WDR62: variants seen among roughly 807,000 people sequenced by gnomAD.
WDR62 encodes the protein WD repeat domain 62.
In WDR62, 112 loss-of-function variants were observed where a neutral mutation model predicts 160.6. That is an observed-to-expected ratio of 0.70 (90% CI 0.60 to 0.82). The LOEUF is 0.82. Ranked by LOEUF, WDR62 falls within the 40% of genes least tolerant of loss-of-function variation. The probability of loss-of-function intolerance (pLI) is 0.00; values close to 1 mark genes in which losing one functional copy is unlikely to be tolerated. For synonymous variants in WDR62, 792 were observed against 815.1 expected, an observed-to-expected ratio of 0.97 and a Z score of 0.48; for missense variants, 1,819 against 1,983.8, an observed-to-expected ratio of 0.92 and a Z score of 1.58.
chr19:36,083,176 G>A lies in WDR62; in HGVS notation c.1485G>A (p.Val495=), dbSNP rs1421646350. ...CACCCATGGACGTGAAAGCCGGGGT[G>A]CGGGTCATGCAGGTCAGTCCTGACG... is the stretch of plus-strand genomic sequence containing the variant. The part of the protein sequence containing the change: ...NGTPMDVKAG[V]RVMQVSPDGQ... The change falls in exon 11 of 32, where the codon GTG becomes GTA. Residue 495 remains valine, a synonymous_variant. Coordinates refer to ENST00000401500, the MANE Select transcript of WDR62 (RefSeq NM_001083961.2). 4 of 1,612,060 alleles carry A rather than the reference G, an allele frequency of 2.5e-6. No homozygotes were observed. Among genetic ancestry groups the A allele is most frequent in the East Asian group, 4.5e-5 (2 of 44,876 alleles).
intron 16 of WDR62, among the ~76,000 whole-genome samples, 183 bp downstream of exon 16, chr19:36,090,703 T>A (rs1008866800): frequency 2.0e-5 from 3 of 152,172 alleles, no homozygotes; most frequent in Admixed American, 1.3e-4. Context: ...CTGTGTTTCC[T>A]TTATTTACAG....
Position 36,071,583 on chromosome 19 carries a change from A to C in WDR62, c.910A>C (p.Ser304Arg). 6.2e-7 allele frequency: 1 copy of C among 1,614,214 alleles called. No homozygotes were observed. Among genetic ancestry groups the C allele is most frequent in the Non-Finnish European group, 8.5e-7 (1 of 1,180,040 alleles). The change falls in exon 8 of 32, where the codon AGC (serine) becomes CGC (arginine). Residue 304 changes from serine to arginine, a missense_variant. Physicochemically the swap from Ser to Arg is moderately radical, Grantham distance 110. Around this residue, in one of 3 missense-constraint regions of WDR62, gnomAD observed 934 missense variants for 1,157.2 expected, o/e 0.81. Transcript: ENST00000401500. ...KVSLSSCLCV[S>R]QELIFCGCTD... Reference sequence around the variant, plus strand: ...CTCCCTGTCTTCCTGCCTCTGTGTCAGCCAGGAGCTCATCTTCTGTGGCTG... The same window carrying C: ...CTCCCTGTCTTCCTGCCTCTGTGTCCGCCAGGAGCTCATCTTCTGTGGCTG...
At chr19:36,098,470 C>T (rs1197506514) in intron 21 of WDR62, among the ~76,000 whole-genome samples, 1 of 150,714 alleles carries the variant, frequency 6.6e-6, no homozygotes, top group African/African-American at 2.4e-5. Context: ...AAGGCTGAGG[C>T]AGGAGAATCA....
chr19:36,108,395 C>T (rs969290502), downstream of WDR62, among the ~76,000 whole-genome samples: 6 of 152,034 alleles, frequency 3.9e-5, no homozygotes, highest in Admixed American at 3.9e-4. Flanking sequence ...CCCTTGGCCT[C>T]CCCATAGCAG....
chr19:36,068,479 G>C (rs926028475), intron 7 of WDR62, among the ~76,000 whole-genome samples: 2 of 152,184 alleles, frequency 1.3e-5, no homozygotes, highest in Non-Finnish European at 2.9e-5. Context: ...AAGGTCTCTG[G>C]TTTTCCTAGG....
Position 36,089,247 on chromosome 19 carries a change from C to T in WDR62, c.1899C>T (p.Asp633=), listed in dbSNP as rs564372571. Residue 633 remains aspartate (D), a synonymous_variant, in exon 15 of 32, where the codon GAC becomes GAT. Coordinates refer to ENST00000401500, the MANE Select transcript of WDR62 (RefSeq NM_001083961.2). ...TAGCAGAGAAAACCACCTTGTATGACATGGACATTGACATCACCCAGAAGT... is the reference window on the plus strand; with the variant it reads ...TAGCAGAGAAAACCACCTTGTATGATATGGACATTGACATCACCCAGAAGT... ...HHVAEKTTLY[D]MDIDITQKYV... is the part of the protein sequence containing the mutation. 6.2e-7 allele frequency: 1 copy of T among 1,614,220 alleles called. No homozygotes were observed. The highest frequency in any genetic ancestry group is 1.7e-5 in the Admixed American group (1 of 60,024).
Position 36,089,121 on chromosome 19 carries a change from C to G in WDR62, c.1836+16C>G, listed in dbSNP as rs754584097. The G allele has an allele frequency of 1.2e-6, 2 of 1,613,932 alleles. No individual in the cohort carries two copies. The highest frequency in any genetic ancestry group is 2.2e-5 in the South Asian group (2 of 91,080). On this transcript the variant is annotated intron_variant, in intron 14 of 31. Coordinates refer to ENST00000401500, the MANE Select transcript of WDR62 (RefSeq NM_001083961.2). ...TGCCCAGCAGGTAGGGTGGCATGGCCTCCTTGGGGGCTGGGGTGGGGGGTT... is the reference window on the plus strand; with the variant it reads ...TGCCCAGCAGGTAGGGTGGCATGGCGTCCTTGGGGGCTGGGGTGGGGGGTT...
intron 6 of WDR62, 60 bp downstream of exon 6, chr19:36,067,503 A>C: frequency 1.2e-6 from 2 of 1,609,796 alleles, no homozygotes; most frequent in Non-Finnish European, 1.7e-6. Flanking sequence ...CGGTGGCAGC[A>C]TGGTCTCCTG....
At chr19:36,087,971 T>C (rs767959153) in intron 13 of WDR62, among the ~76,000 whole-genome samples, 1 of 152,228 alleles carries the variant, frequency 6.6e-6, no homozygotes, top group East Asian at 1.9e-4. Flanking sequence ...GTACTTGGAT[T>C]CACCACGTGC....
At chr19:36,062,577 G>A (rs1162834830) in intron 3 of WDR62, 12 of 143,556 alleles carry the variant, frequency 8.4e-5, no homozygotes, top group Non-Finnish European at 1.2e-4. Flanking sequence ...TTGAACCCGG[G>A]AGGCAGAGGT....
chr19:36,073,256 C>T (rs900173755), intron 8 of WDR62, 86 bp from the exon 9 acceptor site: 14 of 1,304,180 alleles, frequency 1.1e-5, no homozygotes, highest in South Asian at 4.8e-5. Context: ...ATGGCATTGC[C>T]GGGGAGGCAT....
chr19:36,085,218 T>C lies in WDR62; in HGVS notation c.1642+474T>C, dbSNP rs556810175. On this transcript the variant is annotated intron_variant, in intron 12 of 31. Coordinates refer to ENST00000401500, the MANE Select transcript of WDR62 (RefSeq NM_001083961.2). ...GCAGCCTCCACCTCTCTGGTTCAAG[T>C]GATTCTCGTGCCTCAGTCTCCCATG... Among the ~76,000 whole-genome samples the C allele has an allele frequency of 1.4e-3, 220 of 152,004 alleles. 1 individual carries two copies. The highest frequency in any genetic ancestry group is 5.0e-3 in the African/African-American group (208 of 41,464).
rs780215176 is a variant in WDR62, at chr19:36,073,378, A to G, written c.1080A>G (p.Pro360=). The change falls in exon 9 of 32, where the codon CCA becomes CCG. Residue 360 remains proline, a synonymous_variant. Transcript: ENST00000401500. ...LFHRKAEAVY[P]DTVALTFDPI... is the part of the protein sequence containing the mutation. The stretch of plus-strand genomic sequence containing the variant: ...ACAGGAAGGCGGAAGCAGTCTACCC[A>G]GATACAGTGGCACTGACCTTCGACC... 9.3e-6 allele frequency: 15 copies of G among 1,614,150 alleles called. No individual in the cohort carries two copies. The highest frequency in any genetic ancestry group is 6.7e-5 in the Admixed American group (4 of 60,026).
chr19:36,095,017 T>TGA (rs1972873147), intron 20 of WDR62, among the ~76,000 whole-genome samples: 1 of 151,810 alleles, frequency 6.6e-6, no homozygotes, highest in South Asian at 2.1e-4. Flanking sequence ...AATAATAGAG[T>TGA]GAGATCCTGT....
In WDR62 at chr19:36,103,011, C is replaced by A; in HGVS notation, c.3399C>A (p.Leu1133=). The A allele has an allele frequency of 6.2e-7, 1 of 1,614,132 alleles. No individual in the cohort carries two copies. The highest frequency in any genetic ancestry group is 8.5e-7 in the Non-Finnish European group (1 of 1,180,010). ...TTGTGAAGTCTCCAGAGGTCAAGCT[C>A]ATGGACCGAGGCGGAAGCCAGCCCA... ...QCLVKSPEVK[L]MDRGGSQPRA... Residue 1133 remains leucine (L), a synonymous_variant, in exon 28 of 32, where the codon CTC becomes CTA. Coordinates refer to ENST00000401500, the MANE Select transcript of WDR62 (RefSeq NM_001083961.2).
At chr19:36,092,943 G>C (rs988890080) in intron 19 of WDR62, 132 bp downstream of exon 19, 55 of 1,336,708 alleles carry the variant, frequency 4.1e-5, no homozygotes, top group Non-Finnish European at 5.7e-5. Context: ...CTGAGTAGGG[G>C]AGACAGACTT....
In WDR62 at chr19:36,067,328, A is replaced by G. The variant is rs1356687432; in HGVS notation, c.584A>G (p.Asn195Ser). ...CAGAAAGACATCGTAGTGGCCTCCA[A>G]CAAGGTATCTTGTAGAGTCATTGCC... is the stretch of plus-strand genomic sequence containing the variant. ...DWKKDIVVAS[N>S]KVSCRVIALS... Residue 195 changes from asparagine to serine, a missense_variant, in exon 6 of 32, where the codon AAC becomes AGC. Physicochemically the swap from Asn to Ser is conservative, Grantham distance 46 (BLOSUM62 1). Coordinates refer to ENST00000401500, the MANE Select transcript of WDR62 (RefSeq NM_001083961.2). The G allele has an allele frequency of 1.2e-6, 2 of 1,614,218 alleles. No homozygotes were observed. Among genetic ancestry groups the G allele is most frequent in the East Asian group, 2.2e-5 (1 of 44,880 alleles).
intron 9 of WDR62, among the ~76,000 whole-genome samples, chr19:36,077,718 C>T (rs777174228): frequency 2.6e-5 from 4 of 152,028 alleles, no homozygotes; most frequent in African/African-American, 4.8e-5. Context: ...GCTTCAGTCT[C>T]TAGAGTAGCT....
At position 36,102,108 on chromosome 19, in the gene WDR62, C is replaced by T; in HGVS notation, c.3177C>T (p.Phe1059=). 1 of 1,614,156 alleles carries T rather than the reference C, an allele frequency of 6.2e-7. No homozygotes were observed. Among genetic ancestry groups the T allele is most frequent in the Non-Finnish European group, 8.5e-7 (1 of 1,180,044 alleles). The change falls in exon 26 of 32, where the codon TTC becomes TTT. Residue 1059 remains phenylalanine, a synonymous_variant. Transcript: ENST00000401500. ...SLPQTPEQEK[F]LRHHFETLTE... ...CCCAGACTCCGGAGCAGGAGAAGTT[C>T]CTCCGCCACCACTTTGAGACACTGA... is the stretch of plus-strand genomic sequence containing the variant.
Sources: gnomAD v4.1 joint callset for allele counts (sites outside exome capture counted in the v4.1 genomes callset) on GRCh38, gnomAD v4.1.1 for gene constraint, gnomAD v4.1.1 regional missense constraint, MANE v1.5 for transcripts, NCBI Gene and HGNC (gene_info 2026-07-23, HGNC 2026-07-21) for gene names.